The following PCDHA4 variants were observed in gnomAD, a reference collection of about 807,000 sequenced individuals.
The protein encoded by PCDHA4 is protocadherin alpha 4.
Under a neutral mutation model 61.4 loss-of-function variants are expected in PCDHA4, and 49 were observed. That is an observed-to-expected ratio of 0.80 (90% CI 0.63 to 1.01). PCDHA4 has a LOEUF of 1.01. Ranked by LOEUF, PCDHA4 falls within the 50% of genes least tolerant of loss-of-function variation. PCDHA4 has a pLI of 0.00. For synonymous variants in PCDHA4, 590 were observed against 550.3 expected, an observed-to-expected ratio of 1.07 and a Z score of -1.01; for missense variants, 1,254 against 1,235.8, an observed-to-expected ratio of 1.01 and a Z score of -0.22.
At chr5:140,862,614 C>A (rs939104961) in intron 1 of PCDHA4, 11 of 523,250 alleles carry the variant, frequency 2.1e-5, no homozygotes, top group Non-Finnish European at 3.9e-5. Flanking sequence ...TGAAAGGTAA[C>A]AACCCGCGGG....
chr5:140,817,488 G>A (rs1554127270), intron 1 of PCDHA4: 3 of 152,116 alleles, frequency 2.0e-5, no homozygotes, highest in Non-Finnish European at 4.4e-5. Context: ...ATCTTTTTAA[G>A]CTATATATGC....
chr5:140,927,203 C>G (rs782141467), intron 1 of PCDHA4: 1 of 1,614,104 alleles, frequency 6.2e-7, no homozygotes, highest in Admixed American at 1.7e-5. Context: ...CTCGAGGACC[C>G]GCTGGAGCTG....
At chr5:140,982,628 G>A (rs2096992254) in intron 3 of PCDHA4, 65 bp downstream of exon 3, 1 of 1,578,000 alleles carries the variant, frequency 6.3e-7, no homozygotes, top group African/African-American at 1.4e-5. Flanking sequence ...ACCTACTTTT[G>A]TAAGATCAGG....
intron 1 of PCDHA4, chr5:140,871,107 G>A (rs1554165128): frequency 1.2e-6 from 2 of 1,613,306 alleles, no homozygotes; most frequent in Admixed American, 1.7e-5. Flanking sequence ...TGGTGTCGTT[G>A]GTGGAGAGCG....
intron 1 of PCDHA4, among the ~76,000 whole-genome samples, chr5:140,933,650 CCTGTCTCTCTCT>C (rs1218539002): frequency 2.6e-5 from 4 of 151,890 alleles, no homozygotes; most frequent in South Asian, 2.1e-4. Context: ...AGTTGGAAAT[CCTGTCTCTCTCT>C]CTGTCTCTCT....
intron 1 of PCDHA4, among the ~76,000 whole-genome samples, chr5:140,879,327 A>G (rs2057945221): frequency 6.6e-6 from 1 of 152,232 alleles, no homozygotes; most frequent in South Asian, 2.1e-4. Context: ...TCACTTTTTT[A>G]GTTTGTTCAG....
intron 1 of PCDHA4, among the ~76,000 whole-genome samples, chr5:140,961,425 T>G (rs2095610907): frequency 6.6e-6 from 1 of 152,226 alleles, no homozygotes; most frequent in Admixed American, 6.5e-5. Context: ...TTTAAACAAT[T>G]ACAAAATCAC....
At chr5:140,886,654 T>C (rs2061065769) in intron 1 of PCDHA4, among the ~76,000 whole-genome samples, 1 of 151,782 alleles carries the variant, frequency 6.6e-6, no homozygotes, top group African/African-American at 2.4e-5. Context: ...GGTGAAACCC[T>C]GTCTCTACTA....
rs781955144 is a variant in PCDHA4, at chr5:140,809,440, G to T, written c.2253G>T (p.Ser751=). The T allele has an allele frequency of 4.3e-6, 7 of 1,614,098 alleles. No homozygotes were observed. The highest frequency in any genetic ancestry group is 5.1e-6 in the Non-Finnish European group (6 of 1,180,028). The part of the protein sequence containing the change: ...CSSAVGSWSY[S]QQRRPRVCSG... ...GTGCGGTGGGGAGCTGGTCATACTC[G>T]CAGCAGAGGAGGCCGAGGGTGTGCT... Residue 751 remains serine (S), a synonymous_variant, in exon 1 of 4, where the codon TCG becomes TCT. Transcript: ENST00000530339.
At chr5:140,875,830 G>T in intron 1 of PCDHA4, 1 of 1,614,226 alleles carries the variant, frequency 6.2e-7, no homozygotes, top group South Asian at 1.1e-5. Context: ...TTTCCATGTG[G>T]ACGTGGAGGT....
chr5:140,861,503 C>G, intron 1 of PCDHA4: 1 of 478,536 alleles, frequency 2.1e-6, no homozygotes, highest in African/African-American at 2.0e-5. Flanking sequence ...TGATAGACCT[C>G]GAGGAGCTGT....
At chr5:140,911,437 G>A (rs530362672) in intron 1 of PCDHA4, among the ~76,000 whole-genome samples, 3 of 152,166 alleles carry the variant, frequency 2.0e-5, no homozygotes, top group East Asian at 3.9e-4. Context: ...CCAATTTCCC[G>A]CAATTTCAGC....
chr5:140,888,886 T>TA (rs2062023222), intron 1 of PCDHA4, among the ~76,000 whole-genome samples: 1 of 152,036 alleles, frequency 6.6e-6, no homozygotes, highest in South Asian at 2.1e-4. Flanking sequence ...ATTAAAACAT[T>TA]AGAATTGAGG....
chr5:140,829,400 G>T (rs2150167159), intron 1 of PCDHA4: 1 of 1,614,056 alleles, frequency 6.2e-7, no homozygotes, highest in East Asian at 2.2e-5. Context: ...TTCGCTGTGG[G>T]CCACCGCCAG....
At chr5:140,854,785 T>A (rs998570267) in intron 1 of PCDHA4, 1 of 149,624 alleles carries the variant, frequency 6.7e-6, no homozygotes, top group Non-Finnish European at 1.5e-5. Flanking sequence ...TTTCAAGAAC[T>A]TTGAGAGAGA....
intron 1 of PCDHA4, among the ~76,000 whole-genome samples, chr5:140,964,891 G>A (rs76642459): frequency 0.016 from 2,494 of 152,302 alleles, 68 homozygotes; most frequent in African/African-American, 0.056. Context: ...AGTGATAGGA[G>A]GCTGGGCGCT....
intron 1 of PCDHA4, chr5:140,884,380 C>T (rs1281344307): frequency 6.2e-7 from 1 of 1,613,980 alleles, no homozygotes; most frequent in Non-Finnish European, 8.5e-7. Context: ...TCATTGCCAT[C>T]TGCGCGGTGT....
At chr5:140,907,144 G>A (rs1006725502) in intron 1 of PCDHA4, among the ~76,000 whole-genome samples, 17 of 152,104 alleles carry the variant, frequency 1.1e-4, no homozygotes, top group Non-Finnish European at 2.4e-4. Flanking sequence ...CCGGCTATGG[G>A]AGAAACAGTA....
At chr5:140,876,907 G>A (rs782597420) in intron 1 of PCDHA4, 1 of 1,614,022 alleles carries the variant, frequency 6.2e-7, no homozygotes, top group Admixed American at 1.7e-5. Flanking sequence ...CACGGTGTCG[G>A]CATGGGACGC....
Sources: allele counts gnomAD v4.1 joint callset (sites outside exome capture counted in the v4.1 genomes callset), GRCh38; gene constraint gnomAD v4.1.1; transcripts MANE v1.5; gene names NCBI Gene and HGNC (gene_info 2026-07-23, HGNC 2026-07-21).